LINGO2: variants seen among roughly 807,000 people sequenced by gnomAD.
LINGO2 encodes the protein leucine rich repeat and Ig domain containing 2, also known as leucine-rich repeat and immunoglobulin-like domain-containing nogo receptor-interacting protein 2.
A neutral mutation model predicts 30.6 loss-of-function variants in LINGO2; 14 were observed. The ratio of observed to expected loss-of-function variants is 0.46; its 90% confidence interval spans 0.30 to 0.72. LINGO2 has a LOEUF of 0.72. Among genes scored for constraint, LINGO2 ranks in the 30% least tolerant of loss-of-function variants. LINGO2 has a pLI of 0.07. For missense variants in LINGO2, 729 were observed against 751.7 expected, an observed-to-expected ratio of 0.97 and a Z score of 0.35; for synonymous variants, 317 against 288.5, an observed-to-expected ratio of 1.10 and a Z score of -1.00.
the LINGO2 span, among the ~76,000 whole-genome samples, chr9:28,867,803 C>A: frequency 6.6e-6 from 1 of 151,928 alleles, no homozygotes; most frequent in Non-Finnish European, 1.5e-5. Context: ...CCCATAACGT[C>A]CCAGTATGCA....
chr9:28,054,213 T>C (rs889531379), intron 4 of LINGO2, among the ~76,000 whole-genome samples: 1 of 152,096 alleles, frequency 6.6e-6, no homozygotes, highest in Non-Finnish European at 1.5e-5. Flanking sequence ...CAAGAAATAG[T>C]GCCAGACAGA....
At chr9:28,640,866 T>C (rs1005257511) in intron 1 of LINGO2, among the ~76,000 whole-genome samples, 1 of 152,210 alleles carries the variant, frequency 6.6e-6, no homozygotes, top group South Asian at 2.1e-4. Flanking sequence ...CTGTTGCTGG[T>C]GAGGAGCTAC....
chr9:28,190,756 T>A (rs1314099350), intron 4 of LINGO2, among the ~76,000 whole-genome samples: 1 of 152,140 alleles, frequency 6.6e-6, no homozygotes, highest in Non-Finnish European at 1.5e-5. Context: ...GTTCATCCAA[T>A]CTGCAGGTAC....
At chr9:28,396,293 G>T (rs909893135) in intron 2 of LINGO2, among the ~76,000 whole-genome samples, 5 of 152,092 alleles carry the variant, frequency 3.3e-5, no homozygotes, top group Non-Finnish European at 7.3e-5. Flanking sequence ...TCCAAGTAAG[G>T]AAACAGAGAT....
chr9:28,100,631 G>A (rs964702086), intron 4 of LINGO2, among the ~76,000 whole-genome samples: 11 of 152,106 alleles, frequency 7.2e-5, no homozygotes, highest in Admixed American at 1.3e-4. Context: ...GCTTGTTTGT[G>A]GCCATTAATG....
chr9:28,316,134 T>C (rs1824836454), intron 3 of LINGO2, among the ~76,000 whole-genome samples: 1 of 152,054 alleles, frequency 6.6e-6, no homozygotes, highest in Non-Finnish European at 1.5e-5. Flanking sequence ...GTATAGCACT[T>C]GTCATATATT....
chr9:28,072,264 G>T (rs904826339), intron 4 of LINGO2, among the ~76,000 whole-genome samples: 5 of 152,150 alleles, frequency 3.3e-5, no homozygotes, highest in African/African-American at 1.2e-4. Context: ...TGCATTCTGA[G>T]ACCTGTCCTC....
rs899336442 is a variant in LINGO2, at chr9:27,953,819, T to G, written c.-35-3113A>C. 2.6e-5 allele frequency among the ~76,000 whole-genome samples: 4 copies of G among 152,126 alleles called. No individual in the cohort carries two copies. The East Asian group carries it at 7.7e-4, about 29-fold the overall frequency. ...AGAACAAACTAATACAACTGTAGCT[T>G]AACATGGAAAATGAAATGATATATG... On this transcript the variant is annotated intron_variant, in intron 5 of 5. Coordinates refer to ENST00000379992, the Ensembl canonical transcript of LINGO2.
chr9:28,408,312 A>G (rs1387882878), intron 2 of LINGO2, among the ~76,000 whole-genome samples: 3 of 152,144 alleles, frequency 2.0e-5, no homozygotes, highest in Non-Finnish European at 4.4e-5. Context: ...AATACATTGC[A>G]TGGCAAATAA....
At chr9:28,441,250 G>GTTTTT (rs1824181103) in intron 2 of LINGO2, among the ~76,000 whole-genome samples, 1 of 50,634 alleles carries the variant, frequency 2.0e-5, no homozygotes, top group Non-Finnish European at 3.6e-5. Flanking sequence ...TTCATTGGAG[G>GTTTTT]CTTTTTTTTT....
the LINGO2 span, among the ~76,000 whole-genome samples, chr9:29,111,994 G>A: frequency 9.5e-6 from 1 of 104,986 alleles, no homozygotes; most frequent in Admixed American, 9.4e-5. Context: ...TAATATTACT[G>A]TATCAATACT....
chr9:28,552,597 T>A lies in LINGO2; in HGVS notation c.-364-76572A>T, dbSNP rs1168094214. On this transcript the variant is annotated intron_variant, in intron 1 of 5. Coordinates refer to ENST00000379992, the Ensembl canonical transcript of LINGO2. ...TGGGAACATGGTCACATGGTGAGTC[T>A]ATTCATTATAAAAGCATATGTCTTT... 2.0e-5 allele frequency among the ~76,000 whole-genome samples: 3 copies of A among 151,998 alleles called. No individual in the cohort carries two copies. In the East Asian group the frequency reaches 5.8e-4, roughly 29 times the overall value.
chr9:27,984,532 C>T (rs1376058279), intron 5 of LINGO2, among the ~76,000 whole-genome samples: 2 of 151,752 alleles, frequency 1.3e-5, no homozygotes, highest in Non-Finnish European at 1.5e-5. Flanking sequence ...AGCCTGAGCT[C>T]TGGGCTCTGG....
chr9:29,213,540 G>A, the LINGO2 span, among the ~76,000 whole-genome samples: 1 of 152,102 alleles, frequency 6.6e-6, no homozygotes, highest in Non-Finnish European at 1.5e-5. Context: ...TGCAAGGCGG[G>A]ACGCAGGATA....
intron 5 of LINGO2, among the ~76,000 whole-genome samples, chr9:27,988,603 A>G (rs1821239735): frequency 6.6e-6 from 1 of 151,934 alleles, no homozygotes; most frequent in South Asian, 2.1e-4. Context: ...ATGGCCAGTG[A>G]TGAGCATTTT....
intron 4 of LINGO2, among the ~76,000 whole-genome samples, chr9:28,021,077 G>A (rs192027906): frequency 6.6e-6 from 1 of 151,338 alleles, no homozygotes; most frequent in African/African-American, 2.4e-5. Context: ...TTCTTCTGTT[G>A]CTTTAGGCTT....
chr9:28,457,682 C>T (rs186901720), intron 2 of LINGO2, among the ~76,000 whole-genome samples: 2 of 152,236 alleles, frequency 1.3e-5, no homozygotes, highest in African/African-American at 4.8e-5. Context: ...CCTCCTCCCT[C>T]AGCCTCCCAA....
chr9:28,339,625 AT>A (rs979018469), intron 3 of LINGO2, among the ~76,000 whole-genome samples: 11 of 152,164 alleles, frequency 7.2e-5, no homozygotes, highest in Non-Finnish European at 1.5e-4. Flanking sequence ...TAATATTAGG[AT>A]CTATCGACTG....
In LINGO2 at chr9:28,454,595, T is replaced by C. The variant is rs1251444758; in HGVS notation, c.-279+21345A>G. Among the ~76,000 whole-genome samples, 4 of 151,948 alleles carry C rather than the reference T, an allele frequency of 2.6e-5. No individual in the cohort carries two copies. In the East Asian group the frequency reaches 5.8e-4, roughly 22 times the overall value. ...CATACATATACATATTATATATATA[T>C]ACACAATGTACATATATATTCTGTA... On this transcript the variant is annotated intron_variant, in intron 2 of 5. Coordinates refer to ENST00000379992, the Ensembl canonical transcript of LINGO2.
Sources: allele counts gnomAD v4.1 joint callset (sites outside exome capture counted in the v4.1 genomes callset), GRCh38; gene constraint gnomAD v4.1.1; transcripts MANE v1.5; gene names NCBI Gene and HGNC (gene_info 2026-07-23, HGNC 2026-07-21).